The following GHR variants were observed in gnomAD, a reference collection of about 807,000 sequenced individuals.
GHR encodes the protein GH receptor.
A neutral mutation model predicts 67.1 loss-of-function variants in GHR; 35 were observed. That is an observed-to-expected ratio of 0.52 (90% CI 0.40 to 0.69). The LOEUF (loss-of-function observed/expected upper bound fraction) is 0.69. GHR is among the 30% of genes least tolerant of loss of function. The pLI, the probability that GHR is intolerant of heterozygous loss-of-function variation, is 0.00. For synonymous variants in GHR, 272 were observed against 269.1 expected (o/e 1.01, Z -0.10); for missense variants, 792 against 764.6 (o/e 1.04, Z -0.42).
intron 2 of GHR, among the ~76,000 whole-genome samples, chr5:42,603,901 C>A (rs1752498441): frequency 1.3e-5 from 2 of 152,182 alleles, no homozygotes; most frequent in Admixed American, 1.3e-4. Flanking sequence ...CAATTGCAAA[C>A]CCCAGGTTAT....
chr5:42,694,477 A>C (rs7730819), intron 4 of GHR, among the ~76,000 whole-genome samples: 5,111 of 152,244 alleles, frequency 0.034, 105 homozygotes, highest in Middle Eastern at 0.061. Context: ...TTGTCTCCTC[A>C]GTTTCTTTCA....
At chr5:42,624,113 C>T (rs1352516177) in intron 2 of GHR, among the ~76,000 whole-genome samples, 1 of 152,170 alleles carries the variant, frequency 6.6e-6, no homozygotes, top group Non-Finnish European at 1.5e-5. Flanking sequence ...CGATTCATTA[C>T]ATATTTTCAG....
intron 4 of GHR, among the ~76,000 whole-genome samples, chr5:42,689,449 C>A (rs1443946986): frequency 6.6e-6 from 1 of 152,092 alleles, no homozygotes; most frequent in Non-Finnish European, 1.5e-5. Context: ...TGGGCATGTG[C>A]ATGTGGATGA....
chr5:42,514,084 A>T, intron 1 of GHR: 1 of 982,952 alleles, frequency 1.0e-6, no homozygotes, highest in African/African-American at 1.7e-5. Context: ...TTCTAGTTAA[A>T]ATGAGCAACT....
chr5:42,596,359 G>C (rs13175765), intron 2 of GHR, among the ~76,000 whole-genome samples: 1 of 151,824 alleles, frequency 6.6e-6, no homozygotes, highest in Non-Finnish European at 1.5e-5. Context: ...ATTGCTTTAA[G>C]AATGTTTTAT....
At chr5:42,697,862 C>T (rs1331834570) in intron 5 of GHR, among the ~76,000 whole-genome samples, 2 of 152,168 alleles carry the variant, frequency 1.3e-5, no homozygotes, top group South Asian at 2.1e-4. Flanking sequence ...CAAAGGGGTA[C>T]AGTGGGGAGA....
intron 3 of GHR, among the ~76,000 whole-genome samples, chr5:42,682,596 A>G (rs954289213): frequency 6.6e-6 from 1 of 152,114 alleles, no homozygotes; most frequent in Non-Finnish European, 1.5e-5. Flanking sequence ...ATGGTACTAG[A>G]TGTGACAGGA....
intron 1 of GHR, among the ~76,000 whole-genome samples, chr5:42,446,357 C>A (rs1188484023): frequency 6.6e-6 from 1 of 152,120 alleles, no homozygotes; most frequent in East Asian, 1.9e-4. Flanking sequence ...AACAGTATAG[C>A]CCATAACCGT....
intron 1 of GHR, among the ~76,000 whole-genome samples, chr5:42,469,388 C>A (rs1298757146): frequency 6.6e-6 from 1 of 152,168 alleles, no homozygotes; most frequent in Non-Finnish European, 1.5e-5. Context: ...ATAAGGAGAT[C>A]TAGGCTTCAC....
intron 2 of GHR, among the ~76,000 whole-genome samples, chr5:42,573,453 C>G (rs1750448522): frequency 6.6e-6 from 1 of 152,094 alleles, no homozygotes; most frequent in African/African-American, 2.4e-5. Flanking sequence ...CAACCTCTTT[C>G]CAGGTGACTG....
intron 3 of GHR, among the ~76,000 whole-genome samples, chr5:42,661,185 A>T (rs923450381): frequency 1.3e-5 from 2 of 152,214 alleles, no homozygotes; most frequent in Non-Finnish European, 2.9e-5. Flanking sequence ...ACTCTGCAGG[A>T]TATTATCCAG....
chr5:42,482,927 C>T lies in GHR; in HGVS notation c.-12+58972C>T, dbSNP rs150071467. 1.4e-3 allele frequency among the ~76,000 whole-genome samples: 206 copies of T among 152,320 alleles called. 3 individuals carry two copies. In the East Asian group the frequency reaches 0.033, roughly 24 times the overall value. On this transcript the variant is annotated intron_variant, in intron 1 of 9. Transcript: ENST00000230882. ...CTGGCACACCCCAGTGAGATGAACC[C>T]GGTACCTCAATTGGTAATGCAGAAA... is the stretch of plus-strand genomic sequence containing the variant.
intron 1 of GHR, among the ~76,000 whole-genome samples, chr5:42,492,033 A>C (rs2112197472): frequency 6.6e-6 from 1 of 152,192 alleles, no homozygotes; most frequent in East Asian, 1.9e-4. Flanking sequence ...TTTCTCTTTC[A>C]CCTCTCCTCT....
chr5:42,691,069 G>T (rs1205806428), intron 4 of GHR, among the ~76,000 whole-genome samples: 1 of 152,026 alleles, frequency 6.6e-6, no homozygotes, highest in African/African-American at 2.4e-5. Flanking sequence ...ATCAATCAGG[G>T]TCACATAACT....
At chr5:42,607,004 G>T (rs550188576) in intron 2 of GHR, among the ~76,000 whole-genome samples, 2 of 152,186 alleles carry the variant, frequency 1.3e-5, no homozygotes, top group South Asian at 4.2e-4. Context: ...ATTGATCATG[G>T]GGACGGTTTC....
At chr5:42,561,120 A>G (rs1343097756) in intron 1 of GHR, among the ~76,000 whole-genome samples, 1 of 152,134 alleles carries the variant, frequency 6.6e-6, no homozygotes, top group Non-Finnish European at 1.5e-5. Flanking sequence ...TATCCAGAAC[A>G]TTTGCTCTGA....
At chr5:42,708,157 A>G (rs971867852) in intron 6 of GHR, among the ~76,000 whole-genome samples, 7 of 152,138 alleles carry the variant, frequency 4.6e-5, no homozygotes, top group African/African-American at 1.7e-4. Flanking sequence ...TTTTTCCACT[A>G]ACCTGTAAGA....
intron 2 of GHR, among the ~76,000 whole-genome samples, chr5:42,583,876 AAG>A (rs929930220): frequency 7.7e-5 from 11 of 143,178 alleles, no homozygotes; most frequent in African/African-American, 2.5e-5. Context: ...TCTTTAAATA[AAG>A]ATATATATAT....
At chr5:42,477,977 G>A (rs1300096941) in intron 1 of GHR, among the ~76,000 whole-genome samples, 1 of 151,682 alleles carries the variant, frequency 6.6e-6, no homozygotes, top group Non-Finnish European at 1.5e-5. Context: ...GTCCTGAATG[G>A]TATTGCCTCG....
Sources: gnomAD v4.1 joint callset for allele counts (sites outside exome capture counted in the v4.1 genomes callset) on GRCh38, gnomAD v4.1.1 for gene constraint, MANE v1.5 for transcripts, NCBI Gene and HGNC (gene_info 2026-07-23, HGNC 2026-07-21) for gene names.